Variants in CBLL1 observed in about 807,000 individuals in gnomAD.
The protein encoded by CBLL1 is E3 ubiquitin-protein ligase Hakai.
A neutral mutation model predicts 44.9 loss-of-function variants in CBLL1; 4 were observed. The observed-to-expected ratio is 0.09, with a 90% CI of 0.04 to 0.20. CBLL1 has a LOEUF of 0.20. Ranked by LOEUF, CBLL1 falls within the 10% of genes least tolerant of loss-of-function variation. The pLI is 1.00. For synonymous variants in CBLL1, 235 were observed against 202.2 expected (o/e 1.16, Z -1.38); for missense variants, 569 against 636.7 (o/e 0.89, Z 1.14).
chr7:107,744,153 C>G lies in CBLL1; in HGVS notation c.-11C>G, dbSNP rs1196882874. On this transcript the variant is annotated 5_prime_UTR_variant, in exon 1 of 6. Transcript: ENST00000440859. ...TGACTTCCGCTCCCACTGTGCTCTG[C>G]GAGCCGAATCATGGATCACACTGGT... The G allele has an allele frequency of 1.3e-6, 2 of 1,552,108 alleles. No homozygotes were observed. The highest frequency in any genetic ancestry group is 2.4e-5 in the South Asian group (2 of 84,054).
Position 107,758,498 on chromosome 7 carries a change from G to C in CBLL1, c.796G>C (p.Glu266Gln). 1 of 1,614,126 alleles carries C rather than the reference G, an allele frequency of 6.2e-7. No individual in the cohort carries two copies. Among genetic ancestry groups the C allele is most frequent in the Non-Finnish European group, 8.5e-7 (1 of 1,180,016 alleles). ...TGAGGATATTCGTGCTCCTCCAGCAGAATTGTCCATGGCTCCACCTCCACC... is the reference window on the plus strand; with the variant it reads ...TGAGGATATTCGTGCTCCTCCAGCACAATTGTCCATGGCTCCACCTCCACC... ...PHEDIRAPPA[E>Q]LSMAPPPPRS... Residue 266 changes from glutamate to glutamine, a missense_variant, in exon 6 of 6, where the codon GAA (glutamate) becomes CAA (glutamine). Transcript: ENST00000440859. The surrounding 1 kb of genome is among the most constrained non-coding windows in gnomAD (Gnocchi z 4.2).
chr7:107,758,239 G>A lies in CBLL1; in HGVS notation c.537G>A (p.Gln179=), dbSNP rs759952260. ...VQGCKRTYLS[Q]RDLQAHINHR... is the part of the protein sequence containing the mutation. ...GGTGCAAGAGAACATATTTGTCTCA[G>A]AGAGACTTACAGGCTCATATCAACC... Residue 179 remains glutamine (Q), a synonymous_variant, in exon 6 of 6, where the codon CAG becomes CAA. Transcript: ENST00000440859. This position sits in a 1 kb window ranked among gnomAD's most constrained non-coding sequence, Gnocchi z 4.2. 1.2e-6 allele frequency: 2 copies of A among 1,614,102 alleles called. No individual in the cohort carries two copies. The highest frequency in any genetic ancestry group is 2.2e-5 in the South Asian group (2 of 91,072).
Position 107,744,146 on chromosome 7 carries a change from T to A in CBLL1, c.-18T>A. ...GCGCGGTTGACTTCCGCTCCCACTG[T>A]GCTCTGCGAGCCGAATCATGGATCA... On this transcript the variant is annotated 5_prime_UTR_variant, in exon 1 of 6. Transcript: ENST00000440859. 6.4e-7 allele frequency: 1 copy of A among 1,552,556 alleles called. No homozygotes were observed. Among genetic ancestry groups the A allele is most frequent in the South Asian group, 1.2e-5 (1 of 84,106 alleles).
Position 107,758,895 on chromosome 7 carries a change from A to T in CBLL1, c.1193A>T (p.Tyr398Phe), listed in dbSNP as rs1002411012. Residue 398 changes from tyrosine (Y) to phenylalanine (F), a missense_variant, in exon 6 of 6, where the codon TAT becomes TTT. Around this residue, in one of 5 missense-constraint regions of CBLL1, gnomAD observed 228 missense variants for 253.2 expected, o/e 0.90. Coordinates refer to ENST00000440859, the MANE Select transcript of CBLL1 (RefSeq NM_024814.4). This position sits in a 1 kb window ranked among gnomAD's most constrained non-coding sequence, Gnocchi z 4.2. ...CATATTATTGCCCAGATGCCACCTT[A>T]TATGAATCATCCTCCTCCAGGACCT... is the stretch of plus-strand genomic sequence containing the variant. ...PGHIIAQMPPYMNHPPPGPPP... is the reference protein window; with the variant it reads ...PGHIIAQMPPFMNHPPPGPPP... 5 of 1,613,790 alleles carry T rather than the reference A, an allele frequency of 3.1e-6. No individual in the cohort carries two copies. In the Admixed American group the frequency reaches 5.0e-5, roughly 16 times the overall value.
chr7:107,750,546 C>T (rs886534406), intron 2 of CBLL1, among the ~76,000 whole-genome samples: 6 of 152,174 alleles, frequency 3.9e-5, no homozygotes, highest in South Asian at 2.1e-4. Flanking sequence ...CCTCATGATC[C>T]GCCCGCATCG....
chr7:107,760,177 A>G lies in CBLL1; in HGVS notation c.*999A>G, dbSNP rs1793711754. 6.6e-6 allele frequency: 1 copy of G among 152,256 alleles called. No individual in the cohort carries two copies. The highest frequency in any genetic ancestry group is 2.1e-4 in the South Asian group (1 of 4,832). 9.4% of individuals were successfully genotyped at this position (152,256 alleles called of 1,614,324 possible). On this transcript the variant is annotated 3_prime_UTR_variant, in exon 6 of 6. Coordinates refer to ENST00000440859, the MANE Select transcript of CBLL1 (RefSeq NM_024814.4). ...CATGGTAGAGTTTGATGCTGTGTTTAAGTGGGTTCTTGTTTATAGGATTTT... is the reference window on the plus strand; with the variant it reads ...CATGGTAGAGTTTGATGCTGTGTTTGAGTGGGTTCTTGTTTATAGGATTTT...
At chr7:107,744,371 A>T in intron 1 of CBLL1, 195 bp downstream of exon 1, 2 of 601,930 alleles carry the variant, frequency 3.3e-6, no homozygotes, top group Non-Finnish European at 5.3e-6. Context: ...TGTGGTACCT[A>T]CCTCCTCCGT....
chr7:107,755,126 A>T (rs1415493583), intron 4 of CBLL1, among the ~76,000 whole-genome samples: 1 of 152,174 alleles, frequency 6.6e-6, no homozygotes, highest in East Asian at 1.9e-4. Context: ...TTCTTAAAAA[A>T]AAGGAAAAAA....
Position 107,749,044 on chromosome 7 carries a change from G to A in CBLL1, c.178G>A (p.Glu60Lys), listed in dbSNP as rs749644360. ...RMPAKAPPGD[E>K]EGFDYNEEER... ...GCCTGCAAAGGCTCCACCTGGTGAT[G>A]AAGGTAATTTGTTTAACTAATAGGT... The change falls in exon 2 of 6, where the codon GAA becomes AAA. Residue 60 changes from glutamate to lysine, a missense_variant. Transcript: ENST00000440859. 6.2e-7 allele frequency: 1 copy of A among 1,613,838 alleles called. No individual in the cohort carries two copies. The highest frequency in any genetic ancestry group is 1.1e-5 in the South Asian group (1 of 91,052).
At chr7:107,750,388 C>T (rs957067809) in intron 2 of CBLL1, among the ~76,000 whole-genome samples, 2 of 151,864 alleles carry the variant, frequency 1.3e-5, no homozygotes, top group Non-Finnish European at 2.9e-5. Flanking sequence ...TCACTGCAAG[C>T]TCTGCCTCCC....
intron 1 of CBLL1, among the ~76,000 whole-genome samples, chr7:107,745,169 G>A (rs1792949979): frequency 6.6e-6 from 1 of 152,098 alleles, no homozygotes; most frequent in African/African-American, 2.4e-5. Flanking sequence ...TTTTATGGAG[G>A]AACACAGACA....
At chr7:107,754,566 A>G (rs1257475054) in intron 4 of CBLL1, among the ~76,000 whole-genome samples, 2 of 152,174 alleles carry the variant, frequency 1.3e-5, no homozygotes, top group African/African-American at 4.8e-5. Context: ...GATGGCATGG[A>G]TTATGCAGTG....
chr7:107,749,262 C>T (rs1793161642), intron 2 of CBLL1: 1 of 368,358 alleles, frequency 2.7e-6, no homozygotes. Flanking sequence ...GCAATACTGC[C>T]CATTGTTCAG....
At position 107,758,815 on chromosome 7, in the gene CBLL1, A is replaced by G. The variant is rs754281764; in HGVS notation, c.1113A>G (p.Gln371=). The change falls in exon 6 of 6, where the codon CAA becomes CAG. Residue 371 remains glutamine (Q), a synonymous_variant. Transcript: ENST00000440859. The surrounding 1 kb of genome is among the most constrained non-coding windows in gnomAD (Gnocchi z 4.2). ...AAGTPHLVYS[Q]APPPPMTSAP... The stretch of plus-strand genomic sequence containing the variant: ...GTACTCCTCACTTGGTATATAGCCA[A>G]GCTCCACCTCCACCAATGACCTCTG... The G allele has an allele frequency of 3.7e-6, 6 of 1,613,250 alleles. No individual in the cohort carries two copies. In the South Asian group the frequency reaches 6.6e-5, roughly 18 times the overall value.
Position 107,758,151 on chromosome 7 carries a change from A to C in CBLL1, c.449A>C (p.Asp150Ala), listed in dbSNP as rs778929732. The change falls in exon 6 of 6, where the codon GAT becomes GCT. Residue 150 changes from aspartate (D) to alanine (A), a missense_variant. Asp to Ala is a moderately radical substitution (Grantham distance 126). Coordinates refer to ENST00000440859, the MANE Select transcript of CBLL1 (RefSeq NM_024814.4). The surrounding 1 kb of genome is among the most constrained non-coding windows in gnomAD (Gnocchi z 4.2). ...TTTCCCTTCTAATTTAGCTGTAGTGATCCTGTGCAGCGAATTGAGCAGTGT... is the reference window on the plus strand; with the variant it reads ...TTTCCCTTCTAATTTAGCTGTAGTGCTCCTGTGCAGCGAATTGAGCAGTGT... ...KGDKMCPGCS[D>A]PVQRIEQCTR... 1 of 1,598,378 alleles carries C rather than the reference A, an allele frequency of 6.3e-7. No homozygotes were observed. Among genetic ancestry groups the C allele is most frequent in the Non-Finnish European group, 8.6e-7 (1 of 1,168,884 alleles).
In CBLL1 at chr7:107,754,224, G is replaced by A. The variant is rs1013901609; in HGVS notation, c.366+246G>A. 17 of 240,062 alleles carry A rather than the reference G, an allele frequency of 7.1e-5. No individual in the cohort carries two copies. In the Admixed American group the frequency reaches 8.3e-4, roughly 12 times the overall value. 14.9% of individuals were successfully genotyped at this position (240,062 alleles called of 1,614,324 possible). A position where few individuals can be genotyped will look rare whatever the true frequency, so the allele number is the denominator to read the frequency against. On this transcript the variant is annotated intron_variant, in intron 4 of 5. Coordinates refer to ENST00000440859, the MANE Select transcript of CBLL1 (RefSeq NM_024814.4). ...ATTTCTGAAAACTAATTCCTTTGGAGTGTTTGATACCAGTGAATTTACAGT... is the reference window on the plus strand; with the variant it reads ...ATTTCTGAAAACTAATTCCTTTGGAATGTTTGATACCAGTGAATTTACAGT...
In CBLL1 at chr7:107,760,698, T is replaced by A. The variant is rs566595475; in HGVS notation, c.*1520T>A. 1 of 152,328 alleles carries A rather than the reference T, an allele frequency of 6.6e-6. No individual in the cohort carries two copies. Among genetic ancestry groups the A allele is most frequent in the East Asian group, 1.9e-4 (1 of 5,324 alleles). 9.4% of individuals were successfully genotyped at this position (152,328 alleles called of 1,614,324 possible). ...TATGCAGATATCATTTATTAGATAG[T>A]TTGTAGTGTATACATTTAGAACATA... On this transcript the variant is annotated 3_prime_UTR_variant, in exon 6 of 6. Transcript: ENST00000440859.
rs533242179 is a variant in CBLL1 at position 107,759,165 on chromosome 7, C to A, written c.1463C>A (p.Pro488Gln). The change falls in exon 6 of 6, where the codon CCG becomes CAG. Residue 488 changes from proline (P) to glutamine (Q), a missense_variant. Pro to Gln is a moderately conservative substitution (Grantham distance 76). Coordinates refer to ENST00000440859, the MANE Select transcript of CBLL1 (RefSeq NM_024814.4). ...PHHPDQTRYR[P>Q]YYQ ...CATCCAGATCAGACAAGATATAGAC[C>A]GTATTACCAATGATAATAGTATTTT... 2 of 1,599,368 alleles carry A rather than the reference C, an allele frequency of 1.3e-6. No homozygotes were observed. The highest frequency in any genetic ancestry group is 1.7e-6 in the Non-Finnish European group (2 of 1,172,396).
chr7:107,756,817 C>A (rs1157673292), intron 5 of CBLL1, among the ~76,000 whole-genome samples: 1 of 152,186 alleles, frequency 6.6e-6, no homozygotes, highest in Admixed American at 6.5e-5. Flanking sequence ...TGTCACACCT[C>A]ACTTATGTGG....
Sources: gnomAD v4.1 joint callset for allele counts (sites outside exome capture counted in the v4.1 genomes callset) on GRCh38, gnomAD v4.1.1 for gene constraint, gnomAD v4.1.1 regional missense constraint, Gnocchi (gnomAD v3.1) non-coding constraint, MANE v1.5 for transcripts, NCBI Gene and HGNC (gene_info 2026-07-23, HGNC 2026-07-21) for gene names.